The following JAK1 variants were observed in gnomAD, a reference collection of about 807,000 sequenced individuals.
JAK1 encodes the protein tyrosine-protein kinase JAK1.
A neutral mutation model predicts 136.6 loss-of-function variants in JAK1; 16 were observed. That is an observed-to-expected ratio of 0.12 (90% CI 0.08 to 0.18). The LOEUF is 0.18. Ranked by LOEUF, JAK1 falls within the 10% of genes least tolerant of loss-of-function variation. The pLI is 1.00. For missense variants in JAK1, 859 were observed against 1,450.1 expected, an observed-to-expected ratio of 0.59 and a Z score of 6.62; for synonymous variants, 492 against 519.5, an observed-to-expected ratio of 0.95 and a Z score of 0.72.
At chr1:65,036,135 G>A (rs1275037067) in intron 2 of JAK1, among the ~76,000 whole-genome samples, 2 of 151,992 alleles carry the variant, frequency 1.3e-5, no homozygotes, top group African/African-American at 2.4e-5. Context: ...TGTGATGGTC[G>A]CACAACAACA....
At chr1:64,873,919 A>G (rs564446332) in intron 4 of JAK1, among the ~76,000 whole-genome samples, 1 of 152,296 alleles carries the variant, frequency 6.6e-6, no homozygotes, top group South Asian at 2.1e-4. Flanking sequence ...TGACATTTTA[A>G]CATTCCTGCA....
intron 2 of JAK1, among the ~76,000 whole-genome samples, chr1:64,971,759 A>G (rs571997481): frequency 3.9e-5 from 6 of 152,142 alleles, no homozygotes; most frequent in East Asian, 3.8e-4. Flanking sequence ...GGGTTTCGCT[A>G]TGTTGGCCAG....
intron 2 of JAK1, among the ~76,000 whole-genome samples, chr1:65,038,047 G>A (rs1557769014): frequency 6.6e-6 from 1 of 152,068 alleles, no homozygotes; most frequent in Non-Finnish European, 1.5e-5. Context: ...AGTTTTCCCT[G>A]TTGAGGTCAA....
intron 2 of JAK1, among the ~76,000 whole-genome samples, chr1:65,043,593 G>T (rs1196122031): frequency 6.6e-6 from 1 of 151,938 alleles, no homozygotes; most frequent in Non-Finnish European, 1.5e-5. Context: ...GACTGGAGTG[G>T]CATAATCTTG....
chr1:64,920,051 C>T (rs1645468865), intron 1 of JAK1, among the ~76,000 whole-genome samples: 1 of 152,072 alleles, frequency 6.6e-6, no homozygotes, highest in Admixed American at 6.5e-5. Context: ...ACAAATATGA[C>T]CCAAGTAATT....
At chr1:65,062,866 T>G (rs74080271) in intron 1 of JAK1, among the ~76,000 whole-genome samples, 174 of 152,352 alleles carry the variant, frequency 1.1e-3, no homozygotes, top group African/African-American at 4.0e-3. Flanking sequence ...TCTCCATTTC[T>G]CAGGGAGCCT....
intron 2 of JAK1, among the ~76,000 whole-genome samples, chr1:65,008,739 G>A (rs779536789): frequency 2.6e-5 from 4 of 151,542 alleles, no homozygotes; most frequent in Non-Finnish European, 5.9e-5. Context: ...CCTGGCTGGA[G>A]TGCAGTGGCA....
At chr1:64,980,949 C>T (rs1646540020) in intron 2 of JAK1, among the ~76,000 whole-genome samples, 1 of 152,146 alleles carries the variant, frequency 6.6e-6, no homozygotes, top group African/African-American at 2.4e-5. Flanking sequence ...GTATATGTGC[C>T]ACATTTTCTT....
chr1:65,012,471 T>C (rs1209835591), intron 2 of JAK1, among the ~76,000 whole-genome samples: 2 of 152,066 alleles, frequency 1.3e-5, no homozygotes, highest in Non-Finnish European at 2.9e-5. Flanking sequence ...AAATAATTAT[T>C]AGAAATAAGA....
chr1:64,862,117 C>T (rs967070951), intron 8 of JAK1, among the ~76,000 whole-genome samples: 1 of 152,178 alleles, frequency 6.6e-6, no homozygotes, highest in Non-Finnish European at 1.5e-5. Context: ...AATCCCATGG[C>T]TGGGAGGGGA....
At chr1:65,055,247 T>C (rs1308878425) in intron 1 of JAK1, among the ~76,000 whole-genome samples, 1 of 152,214 alleles carries the variant, frequency 6.6e-6, no homozygotes, top group Non-Finnish European at 1.5e-5. Context: ...AGTGGAATCA[T>C]AACAGTATAC....
Position 65,062,043 on chromosome 1 carries a change from C to T in JAK1, c.-181+5561G>A, listed in dbSNP as rs751425030. Among the ~76,000 whole-genome samples, 12 of 150,488 alleles carry T rather than the reference C, an allele frequency of 8.0e-5. No homozygotes were observed. In the East Asian group the frequency reaches 1.4e-3, roughly 17 times the overall value. On this transcript the variant is annotated intron_variant, in intron 1 of 25. Transcript: ENST00000671954. ...TGTAACTTTATAAGGTCCATGTGGA[C>T]GAAAAAAAAACCCTATGGACACGGT...
chr1:64,941,634 T>A (rs927267321), intron 1 of JAK1, among the ~76,000 whole-genome samples: 4 of 152,196 alleles, frequency 2.6e-5, no homozygotes, highest in African/African-American at 7.2e-5. Flanking sequence ...AGCTGTGATG[T>A]TACATTCAAA....
intron 6 of JAK1, among the ~76,000 whole-genome samples, chr1:64,868,035 A>G (rs1230320483): frequency 6.7e-6 from 1 of 149,906 alleles, no homozygotes; most frequent in Non-Finnish European, 1.5e-5. Flanking sequence ...AGAGTGAGAG[A>G]GAGAGAGAGA....
intron 1 of JAK1, among the ~76,000 whole-genome samples, chr1:64,959,134 G>A (rs564989783): frequency 6.6e-6 from 1 of 152,330 alleles, no homozygotes; most frequent in Admixed American, 6.5e-5. Context: ...CATATGGGAT[G>A]AGAATGACAT....
chr1:64,938,287 T>C (rs774819434), intron 1 of JAK1, among the ~76,000 whole-genome samples: 1 of 152,230 alleles, frequency 6.6e-6, no homozygotes, highest in South Asian at 2.1e-4. Context: ...ACCTTTTAGA[T>C]GTACTGTGTG....
At chr1:65,059,868 T>C (rs565902094) in intron 1 of JAK1, among the ~76,000 whole-genome samples, 66 of 152,272 alleles carry the variant, frequency 4.3e-4, no homozygotes, top group African/African-American at 1.5e-3. Flanking sequence ...GTACTTCAAA[T>C]AAGTCAGGTA....
chr1:65,036,770 G>A (rs1647078524), intron 2 of JAK1, among the ~76,000 whole-genome samples: 1 of 152,038 alleles, frequency 6.6e-6, no homozygotes, highest in South Asian at 2.1e-4. Flanking sequence ...AATAACTAGG[G>A]AATAATAAAT....
intron 1 of JAK1, among the ~76,000 whole-genome samples, chr1:64,898,314 C>G (rs1645055633): frequency 6.6e-6 from 1 of 152,128 alleles, no homozygotes; most frequent in African/African-American, 2.4e-5. Flanking sequence ...GGGAGTCACT[C>G]TGAATTATTT....
Sources: allele counts gnomAD v4.1 joint callset (sites outside exome capture counted in the v4.1 genomes callset), GRCh38; gene constraint gnomAD v4.1.1; transcripts MANE v1.5; gene names NCBI Gene and HGNC (gene_info 2026-07-23, HGNC 2026-07-21).